CSNK2A2IP: variants seen among roughly 807,000 people sequenced by gnomAD.
CSNK2A2IP encodes casein kinase 2 subunit alpha' interacting protein, also known as casein kinase II subunit alpha'-interacting protein.
the CSNK2A2IP span, among the ~76,000 whole-genome samples, chr3:88,463,559 C>G: frequency 7.2e-5 from 11 of 152,206 alleles, no homozygotes; most frequent in South Asian, 2.3e-3. Context: ...AAATGCTCAT[C>G]ATCACTGGCC....
the CSNK2A2IP span, among the ~76,000 whole-genome samples, chr3:88,339,791 T>C: frequency 6.6e-6 from 1 of 152,114 alleles, no homozygotes; most frequent in Non-Finnish European, 1.5e-5. Flanking sequence ...AATTTTTGTG[T>C]GAAAAAATGT....
At chr3:88,457,650 C>T in the CSNK2A2IP span, among the ~76,000 whole-genome samples, 28 of 150,366 alleles carry the variant, frequency 1.9e-4, no homozygotes, top group East Asian at 5.5e-3. Flanking sequence ...GAGCCGAGAT[C>T]GTGCTATTGC....
the CSNK2A2IP span, among the ~76,000 whole-genome samples, chr3:88,417,358 G>T: frequency 6.6e-6 from 1 of 152,122 alleles, no homozygotes. Context: ...AGCTGGAAGG[G>T]CAGGCATTTT....
the CSNK2A2IP span, among the ~76,000 whole-genome samples, chr3:88,356,497 T>C: frequency 1.3e-5 from 2 of 152,164 alleles, no homozygotes; most frequent in Non-Finnish European, 2.9e-5. Flanking sequence ...TCTATTCTTC[T>C]GTTAATGAAC....
At chr3:88,442,293 A>G in the CSNK2A2IP span, among the ~76,000 whole-genome samples, 1 of 152,078 alleles carries the variant, frequency 6.6e-6, no homozygotes, top group African/African-American at 2.4e-5. Context: ...TCCTGCCTCA[A>G]TTTCCTTGTG....
At chr3:88,350,151 A>G in the CSNK2A2IP span, among the ~76,000 whole-genome samples, 3 of 151,996 alleles carry the variant, frequency 2.0e-5, no homozygotes, top group Non-Finnish European at 4.4e-5. Flanking sequence ...ATGTATGTTT[A>G]CCCTCTCCCC....
At chr3:88,342,136 G>A in the CSNK2A2IP span, among the ~76,000 whole-genome samples, 1 of 151,780 alleles carries the variant, frequency 6.6e-6, no homozygotes, top group African/African-American at 2.4e-5. Flanking sequence ...ACAAATCTTT[G>A]CTACAATATT....
chr3:88,466,528 A>G, the CSNK2A2IP span: 11 of 1,231,712 alleles, frequency 8.9e-6, no homozygotes, highest in African/African-American at 6.2e-5. Context: ...ATTAGGTTTC[A>G]GACTCCAGAG....
At chr3:88,413,652 T>C in the CSNK2A2IP span, among the ~76,000 whole-genome samples, 1,165 of 152,066 alleles carry the variant, frequency 7.7e-3, 8 homozygotes, top group Non-Finnish European at 0.012. Flanking sequence ...CATATGTAGA[T>C]AGGCAATAGG....
chr3:88,466,918 C>CT, the CSNK2A2IP span: 1 of 1,231,034 alleles, frequency 8.1e-7, no homozygotes, highest in Non-Finnish European at 1.0e-6. Context: ...GAAATTAGTT[C>CT]TTATCCTTTC....
chr3:88,430,910 A>G, the CSNK2A2IP span, among the ~76,000 whole-genome samples: 1 of 152,116 alleles, frequency 6.6e-6, no homozygotes, highest in South Asian at 2.1e-4. Context: ...AAACAAAAAC[A>G]AATGAGCTGT....
the CSNK2A2IP span, among the ~76,000 whole-genome samples, chr3:88,387,361 G>A: frequency 6.6e-6 from 1 of 151,966 alleles, no homozygotes; most frequent in Non-Finnish European, 1.5e-5. Context: ...CGTAGAGATG[G>A]GGTTTCACCA....
the CSNK2A2IP span, among the ~76,000 whole-genome samples, chr3:88,414,381 C>G: frequency 3.3e-4 from 46 of 139,994 alleles, no homozygotes; most frequent in African/African-American, 1.2e-3. Flanking sequence ...CTCCTGGGTT[C>G]AAGCGATACT....
the CSNK2A2IP span, among the ~76,000 whole-genome samples, chr3:88,412,100 A>G: frequency 6.6e-6 from 1 of 151,956 alleles, no homozygotes; most frequent in Non-Finnish European, 1.5e-5. Context: ...GTGAAAAATA[A>G]GTCATAAACA....
the CSNK2A2IP span, among the ~76,000 whole-genome samples, chr3:88,400,678 A>G: frequency 1.3e-5 from 2 of 152,218 alleles, no homozygotes; most frequent in African/African-American, 2.4e-5. Flanking sequence ...ACCACAAACT[A>G]GGAATTATAG....
chr3:88,418,364 G>A, the CSNK2A2IP span, among the ~76,000 whole-genome samples: 35 of 152,144 alleles, frequency 2.3e-4, no homozygotes, highest in Non-Finnish European at 4.1e-4. Context: ...CCACACAAGA[G>A]TAATTTTAAT....
At chr3:88,465,872 CA>C in the CSNK2A2IP span, 2 of 1,231,674 alleles carry the variant, frequency 1.6e-6, no homozygotes, top group South Asian at 8.2e-5. Flanking sequence ...AGATCACTTT[CA>C]TTGAAGTCTC....
At chr3:88,358,581 A>G in the CSNK2A2IP span, among the ~76,000 whole-genome samples, 4 of 151,968 alleles carry the variant, frequency 2.6e-5, no homozygotes, top group African/African-American at 9.7e-5. Flanking sequence ...TTTTTCTAAC[A>G]TTTGTTGAAA....
chr3:88,359,798 T>C, the CSNK2A2IP span, among the ~76,000 whole-genome samples: 1 of 152,174 alleles, frequency 6.6e-6, no homozygotes, highest in Non-Finnish European at 1.5e-5. Context: ...GGTATGTCCT[T>C]GAGAATGTTC....
Sources: gnomAD v4.1 joint callset for allele counts (sites outside exome capture counted in the v4.1 genomes callset) on GRCh38, gnomAD v4.1.1 for gene constraint, MANE v1.5 for transcripts, NCBI Gene and HGNC (gene_info 2026-07-23, HGNC 2026-07-21) for gene names.